The following TTC28 variants were observed in gnomAD, a reference collection of about 807,000 sequenced individuals.
TTC28 encodes tetratricopeptide repeat domain 28.
Under a neutral mutation model 198.0 loss-of-function variants are expected in TTC28, and 61 were observed. That is an observed-to-expected ratio of 0.31 (90% CI 0.25 to 0.38). The LOEUF (loss-of-function observed/expected upper bound fraction) is 0.38. Among genes scored for constraint, TTC28 ranks in the 10% least tolerant of loss-of-function variants. The pLI is 1.00. For missense variants in TTC28, 2,678 were observed against 3,164.0 expected (o/e 0.85, Z 3.69); for synonymous variants, 1,171 against 1,297.8 (o/e 0.90, Z 2.10).
chr22:28,659,068 G>T (rs552678833), intron 1 of TTC28, among the ~76,000 whole-genome samples: 11 of 152,166 alleles, frequency 7.2e-5, no homozygotes, highest in Non-Finnish European at 1.5e-4. Flanking sequence ...GCAGGAAGGT[G>T]TCTATCTGCA....
At chr22:28,106,371 TAAGAG>T (rs1942302665) in intron 7 of TTC28, among the ~76,000 whole-genome samples, 1 of 152,172 alleles carries the variant, frequency 6.6e-6, no homozygotes, top group Non-Finnish European at 1.5e-5. Flanking sequence ...TTTCTGCTGC[TAAGAG>T]AAGACACGAT....
At chr22:28,547,357 A>T (rs1271885089) in intron 2 of TTC28, among the ~76,000 whole-genome samples, 1 of 152,196 alleles carries the variant, frequency 6.6e-6, no homozygotes, top group East Asian at 1.9e-4. Context: ...GATTCATTTA[A>T]GCACGAATCA....
chr22:28,509,907 C>T (rs2048665331), intron 2 of TTC28, among the ~76,000 whole-genome samples: 2 of 152,072 alleles, frequency 1.3e-5, no homozygotes. Flanking sequence ...TTTCTATGCA[C>T]ATAAACTAGA....
chr22:28,626,372 T>C (rs1344572343), intron 2 of TTC28, among the ~76,000 whole-genome samples: 7 of 152,082 alleles, frequency 4.6e-5, no homozygotes, highest in Non-Finnish European at 8.8e-5. Context: ...TTAATACTTA[T>C]GGAGAGAGAC....
chr22:28,101,807 AAAAAAG>A (rs1942163318), intron 8 of TTC28, among the ~76,000 whole-genome samples: 2 of 148,328 alleles, frequency 1.3e-5, no homozygotes, highest in Admixed American at 1.3e-4. Context: ...AAAAAAAAAA[AAAAAAG>A]AATACTAACA....
intron 13 of TTC28, among the ~76,000 whole-genome samples, chr22:28,025,647 G>A (rs1938801665): frequency 6.6e-6 from 1 of 152,224 alleles, no homozygotes; most frequent in Admixed American, 6.5e-5. Context: ...GGGAGGCCAA[G>A]ATGAGAGGAT....
At chr22:28,608,170 C>G (rs2050763757) in intron 2 of TTC28, among the ~76,000 whole-genome samples, 1 of 152,204 alleles carries the variant, frequency 6.6e-6, no homozygotes, top group Non-Finnish European at 1.5e-5. Context: ...TTTTAACTTG[C>G]ACTATTTCTA....
chr22:28,356,682 C>T (rs2145947124), intron 2 of TTC28, among the ~76,000 whole-genome samples: 1 of 152,290 alleles, frequency 6.6e-6, no homozygotes, highest in South Asian at 2.1e-4. Context: ...TGTGTCCAAA[C>T]CCAAGCCCTG....
At chr22:28,371,915 T>G (rs1008355524) in intron 2 of TTC28, among the ~76,000 whole-genome samples, 1 of 151,424 alleles carries the variant, frequency 6.6e-6, no homozygotes, top group African/African-American at 2.4e-5. Flanking sequence ...TGAATTTTTT[T>G]TATTTTATTA....
chr22:28,053,603 T>C (rs1353087772), intron 12 of TTC28, among the ~76,000 whole-genome samples: 5 of 152,234 alleles, frequency 3.3e-5, no homozygotes, highest in African/African-American at 7.2e-5. Context: ...GAAATGCTGT[T>C]GTCCATTAAA....
At chr22:28,310,597 T>A (rs1481979555) in intron 2 of TTC28, among the ~76,000 whole-genome samples, 1 of 151,970 alleles carries the variant, frequency 6.6e-6, no homozygotes, top group Non-Finnish European at 1.5e-5. Context: ...CCTAAATGAG[T>A]AACGAGGTAA....
chr22:28,229,121 A>G (rs1928603115), intron 5 of TTC28, among the ~76,000 whole-genome samples: 1 of 152,188 alleles, frequency 6.6e-6, no homozygotes, highest in African/African-American at 2.4e-5. Context: ...GTGCCACTGC[A>G]CTCCAGCCTG....
intron 2 of TTC28, among the ~76,000 whole-genome samples, chr22:28,468,310 G>C (rs2048052492): frequency 6.6e-6 from 1 of 152,106 alleles, no homozygotes; most frequent in African/African-American, 2.4e-5. Flanking sequence ...AACTAGAAGA[G>C]GCCCAGGTTT....
intron 2 of TTC28, among the ~76,000 whole-genome samples, chr22:28,390,587 C>T (rs1217588288): frequency 1.3e-5 from 2 of 152,160 alleles, no homozygotes; most frequent in Non-Finnish European, 1.5e-5. Flanking sequence ...GATCCCTTTA[C>T]CATTATGTAA....
chr22:28,522,729 G>T (rs1276041146), intron 2 of TTC28, among the ~76,000 whole-genome samples: 1 of 151,914 alleles, frequency 6.6e-6, no homozygotes, highest in Non-Finnish European at 1.5e-5. Flanking sequence ...ACTACCATAT[G>T]GACAAACCTG....
chr22:28,304,816 A>G (rs1307434124), intron 3 of TTC28, among the ~76,000 whole-genome samples: 1 of 152,160 alleles, frequency 6.6e-6, no homozygotes, highest in Non-Finnish European at 1.5e-5. Flanking sequence ...TGTTCCATGT[A>G]AATTCCCTGT....
At chr22:27,991,968 TA>T (rs1464978522) in intron 19 of TTC28, among the ~76,000 whole-genome samples, 1 of 152,242 alleles carries the variant, frequency 6.6e-6, no homozygotes, top group Non-Finnish European at 1.5e-5. Context: ...CATGGTTAAG[TA>T]CTTTGATCAA....
chr22:28,166,131 T>TA (rs1485715095), intron 5 of TTC28, among the ~76,000 whole-genome samples: 3 of 152,034 alleles, frequency 2.0e-5, no homozygotes, highest in Non-Finnish European at 4.4e-5. Flanking sequence ...AGAGCTATCC[T>TA]AAATACATAT....
At chr22:28,590,956 A>G (rs1402015270) in intron 2 of TTC28, among the ~76,000 whole-genome samples, 1 of 146,280 alleles carries the variant, frequency 6.8e-6, no homozygotes, top group Non-Finnish European at 1.5e-5. Flanking sequence ...CAGTGAGCCA[A>G]GATTGCACCA....
Sources: allele counts gnomAD v4.1 joint callset (sites outside exome capture counted in the v4.1 genomes callset), GRCh38; gene constraint gnomAD v4.1.1; transcripts MANE v1.5; gene names NCBI Gene and HGNC (gene_info 2026-07-23, HGNC 2026-07-21).